Variants in GLB1 observed in about 807,000 individuals in gnomAD.
The protein encoded by GLB1 is beta-galactosidase.
A neutral mutation model predicts 74.0 loss-of-function variants in GLB1; 56 were observed. That is an observed-to-expected ratio of 0.76 (90% CI 0.61 to 0.94). GLB1 has a LOEUF of 0.94. Ranked by LOEUF, GLB1 falls within the 40% of genes least tolerant of loss-of-function variation. The probability of loss-of-function intolerance (pLI) is 0.00; values close to 1 mark genes in which losing one functional copy is unlikely to be tolerated. For synonymous variants in GLB1, 323 were observed against 323.6 expected (o/e 1.00, Z 0.02); for missense variants, 787 against 845.5 (o/e 0.93, Z 0.86).
At chr3:33,073,763 C>G (rs955086894) in intron 1 of GLB1, among the ~76,000 whole-genome samples, 3 of 152,176 alleles carry the variant, frequency 2.0e-5, no homozygotes, top group African/African-American at 7.2e-5. Context: ...AATGCTAGCA[C>G]TTTGAGAGGC....
intron 1 of GLB1, chr3:33,090,735 C>A (rs1376733638): frequency 1.0e-6 from 1 of 985,194 alleles, no homozygotes; most frequent in Non-Finnish European, 1.2e-6. Flanking sequence ...CAAAAATGTC[C>A]GCCGCGTCAG....
At chr3:33,017,102 T>C (rs1019599445) in intron 13 of GLB1, among the ~76,000 whole-genome samples, 5 of 152,184 alleles carry the variant, frequency 3.3e-5, no homozygotes, top group Non-Finnish European at 1.5e-5. Context: ...CCCTGGAATG[T>C]TTTACTGCCA....
chr3:33,011,906 ATGC>A (rs1697047012), intron 15 of GLB1, among the ~76,000 whole-genome samples: 1 of 152,060 alleles, frequency 6.6e-6, no homozygotes, highest in Non-Finnish European at 1.5e-5. Flanking sequence ...TGGCTGGGAG[ATGC>A]TTCACTCCAC....
intron 15 of GLB1, among the ~76,000 whole-genome samples, chr3:33,011,595 A>C (rs912933747): frequency 2.0e-5 from 3 of 148,988 alleles, no homozygotes; most frequent in African/African-American, 4.9e-5. Context: ...CAGTGAGCAG[A>C]GATCACACCA....
chr3:33,008,975 C>T (rs1696897255), intron 15 of GLB1, among the ~76,000 whole-genome samples: 1 of 151,954 alleles, frequency 6.6e-6, no homozygotes, highest in Admixed American at 6.6e-5. Flanking sequence ...CAAAATTAGC[C>T]AGGCGTGGTG....
chr3:32,989,578 GAC>G, the GLB1 span, among the ~76,000 whole-genome samples: 1 of 152,188 alleles, frequency 6.6e-6, no homozygotes, highest in African/African-American at 2.4e-5. Flanking sequence ...GCTCACCAGA[GAC>G]ACACACAAGA....
the GLB1 span, among the ~76,000 whole-genome samples, chr3:32,965,149 G>T: frequency 6.6e-6 from 1 of 152,152 alleles, no homozygotes; most frequent in Non-Finnish European, 1.5e-5. Flanking sequence ...ACCAGGTAGT[G>T]GAGCACTGCT....
the GLB1 span, among the ~76,000 whole-genome samples, chr3:32,978,017 A>T: frequency 2.0e-5 from 3 of 152,206 alleles, no homozygotes; most frequent in African/African-American, 7.2e-5. Context: ...TATTGTTATT[A>T]TCGCTAACCA....
At chr3:33,017,734 C>G (rs113925953) in intron 13 of GLB1, among the ~76,000 whole-genome samples, 1 of 152,072 alleles carries the variant, frequency 6.6e-6, no homozygotes, top group Non-Finnish European at 1.5e-5. Flanking sequence ...GATAAAGGCA[C>G]GAAGTTCAAC....
the GLB1 span, among the ~76,000 whole-genome samples, chr3:32,971,876 C>T: frequency 1.3e-5 from 2 of 152,150 alleles, no homozygotes; most frequent in Admixed American, 1.3e-4. Context: ...GGAACACGGG[C>T]ATATCGGCAA....
chr3:33,076,283 C>T (rs1367318744), intron 1 of GLB1, among the ~76,000 whole-genome samples: 1 of 152,150 alleles, frequency 6.6e-6, no homozygotes, highest in Non-Finnish European at 1.5e-5. Flanking sequence ...GGCAGGACTA[C>T]AGGCCAGGAG....
the GLB1 span, among the ~76,000 whole-genome samples, chr3:32,986,005 C>G: frequency 6.6e-6 from 1 of 152,220 alleles, no homozygotes; most frequent in African/African-American, 2.4e-5. Flanking sequence ...AGCCACCGCA[C>G]CTGGACAACT....
chr3:32,967,631 T>C, the GLB1 span, among the ~76,000 whole-genome samples: 6 of 151,374 alleles, frequency 4.0e-5, no homozygotes, highest in South Asian at 2.1e-4. Context: ...AAATAATTAA[T>C]AAATATCCTC....
chr3:33,091,930 G>T (rs531165765), intron 1 of GLB1: 150 of 985,290 alleles, frequency 1.5e-4, no homozygotes, highest in Non-Finnish European at 1.7e-4. Flanking sequence ...GCTTTTACTG[G>T]GAGGTACAAG....
In GLB1 at chr3:33,093,249, C is replaced by G. The variant is rs1431273017; in HGVS notation, c.75+3762G>C. ...CTCACTCCCACTGCCACTGCCACCACCACCACGTTGGGCCCGTGTGGCGGA... is the reference window on the plus strand; with the variant it reads ...CTCACTCCCACTGCCACTGCCACCAGCACCACGTTGGGCCCGTGTGGCGGA... On this transcript the variant is annotated intron_variant, in intron 1 of 15. Transcript: ENST00000307363. This position sits in a 1 kb window ranked among gnomAD's most constrained non-coding sequence, Gnocchi z 6.0. 3 of 1,614,096 alleles carry G rather than the reference C, an allele frequency of 1.9e-6. No homozygotes were observed. In the South Asian group the frequency reaches 3.3e-5, roughly 18 times the overall value.
At chr3:32,970,541 T>C in the GLB1 span, among the ~76,000 whole-genome samples, 10 of 152,192 alleles carry the variant, frequency 6.6e-5, no homozygotes, top group African/African-American at 2.4e-4. Context: ...CTTTCAAACC[T>C]AGGGACTTTG....
the GLB1 span, among the ~76,000 whole-genome samples, chr3:32,978,978 TC>T: frequency 3.5e-3 from 526 of 149,488 alleles, 1 homozygote; most frequent in African/African-American, 0.012. Flanking sequence ...TTTCTTTCTT[TC>T]TTTTTTTTTT....
chr3:33,065,548 G>T lies in GLB1; in HGVS notation c.467C>A (p.Ala156Glu), dbSNP rs372166784. ...LLRSSDPDYL[A>E]AVDKWLGVLL... Reference sequence around the variant, plus strand: ...GACTCCCAACCACTTGTCCACAGCTGCCAGGTAATCTGGAAAACAAGAAAA... The same window carrying T: ...GACTCCCAACCACTTGTCCACAGCTTCCAGGTAATCTGGAAAACAAGAAAA... Residue 156 changes from alanine (A) to glutamate (E), a missense_variant, in exon 5 of 16, where the codon GCA (alanine) becomes GAA (glutamate). Coordinates refer to ENST00000307363, the MANE Select transcript of GLB1 (RefSeq NM_000404.4). 23 of 1,575,820 alleles carry T rather than the reference G, an allele frequency of 1.5e-5. No individual in the cohort carries two copies. The highest frequency in any genetic ancestry group is 2.0e-5 in the Non-Finnish European group (23 of 1,157,470).
chr3:33,053,618 T>G, intron 6 of GLB1, 69 bp from the exon 7 acceptor site: 1 of 1,603,072 alleles, frequency 6.2e-7, no homozygotes, highest in Non-Finnish European at 8.5e-7. Context: ...ACAAGAGCCC[T>G]TCATGGGACT....
Sources: gnomAD v4.1 joint callset for allele counts (sites outside exome capture counted in the v4.1 genomes callset) on GRCh38, gnomAD v4.1.1 for gene constraint, Gnocchi (gnomAD v3.1) non-coding constraint, MANE v1.5 for transcripts, NCBI Gene and HGNC (gene_info 2026-07-23, HGNC 2026-07-21) for gene names.